TENM1: variants seen among roughly 807,000 people sequenced by gnomAD.
The protein encoded by TENM1 is teneurin transmembrane protein 1, also known as teneurin-1.
A neutral mutation model predicts 174.8 loss-of-function variants in TENM1; 35 were observed. That is an observed-to-expected ratio of 0.20 (90% confidence interval 0.15 to 0.27). TENM1 has a LOEUF of 0.27. TENM1 is among the 10% of genes least tolerant of loss of function. The pLI is 1.00. For synonymous variants in TENM1, 781 were observed against 798.7 expected, an observed-to-expected ratio of 0.98 and a Z score of 0.37; for missense variants, 1,633 against 2,130.1, an observed-to-expected ratio of 0.77 and a Z score of 4.59.
chrX:125,200,151 T>TA, the TENM1 span, among the ~76,000 whole-genome samples: 114 of 111,261 alleles, frequency 1.0e-3, no homozygotes, highest in African/African-American at 3.1e-3. Flanking sequence ...TCCTCTGTTC[T>TA]AAAAAAAATC....
chrX:124,469,434 C>T (rs1380962102), intron 22 of TENM1, among the ~76,000 whole-genome samples: 1 of 110,925 alleles, frequency 9.0e-6, no homozygotes, highest in Non-Finnish European at 1.9e-5. Flanking sequence ...AACAGTGGCT[C>T]AAAGATGGAT....
chrX:124,962,542 G>A (rs755839736), intron 1 of TENM1, among the ~76,000 whole-genome samples: 64 of 112,024 alleles, frequency 5.7e-4, no homozygotes, highest in Middle Eastern at 4.6e-3. Context: ...TGTGCCATCC[G>A]GGCGCGGTGG....
chrX:125,065,907 C>A, the TENM1 span, among the ~76,000 whole-genome samples: 80 of 111,772 alleles, frequency 7.2e-4, no homozygotes, highest in Non-Finnish European at 1.3e-3. Context: ...AGATAATATT[C>A]TTGATCTGAT....
the TENM1 span, among the ~76,000 whole-genome samples, chrX:125,129,271 C>T: frequency 9.0e-6 from 1 of 111,708 alleles, no homozygotes; most frequent in Non-Finnish European, 1.9e-5. Context: ...GCTAAGACAG[C>T]GCTCATATCC....
chrX:125,098,474 C>T, the TENM1 span, among the ~76,000 whole-genome samples: 1 of 111,541 alleles, frequency 9.0e-6, no homozygotes, highest in Non-Finnish European at 1.9e-5. Flanking sequence ...TTGTAGTTGG[C>T]ATTTATATTG....
At chrX:124,833,205 T>C (rs769724724) in intron 3 of TENM1, among the ~76,000 whole-genome samples, 55 of 112,137 alleles carry the variant, frequency 4.9e-4, no homozygotes, top group Non-Finnish European at 8.8e-4. Context: ...ACTAACATTC[T>C]TTAATGATGG....
intron 4 of TENM1, among the ~76,000 whole-genome samples, chrX:124,718,284 T>C (rs1048478213): frequency 8.9e-6 from 1 of 112,240 alleles, no homozygotes; most frequent in Non-Finnish European, 1.9e-5. Context: ...CAGATAGATA[T>C]GGCTGTCTTT....
At chrX:125,187,919 TTA>T in the TENM1 span, among the ~76,000 whole-genome samples, 1 of 111,486 alleles carries the variant, frequency 9.0e-6, no homozygotes, top group Non-Finnish European at 1.9e-5. Context: ...TGTATGTAAA[TTA>T]TATGATTTTC....
chrX:124,384,942 G>C, intron 29 of TENM1, 88 bp from the exon 33 acceptor site: 1 of 854,853 alleles, frequency 1.2e-6, no homozygotes, highest in African/African-American at 2.0e-5. Flanking sequence ...TTTAGTACTG[G>C]TGCTTTTATA....
At chrX:125,135,164 T>C in the TENM1 span, among the ~76,000 whole-genome samples, 14 of 97,070 alleles carry the variant, frequency 1.4e-4, no homozygotes, top group Admixed American at 1.3e-3. Context: ...GGTTGCAAAA[T>C]GTTTTTTTAT....
chrX:125,042,931 A>G, the TENM1 span, among the ~76,000 whole-genome samples: 1 of 111,587 alleles, frequency 9.0e-6, no homozygotes, highest in South Asian at 3.8e-4. Flanking sequence ...TTAGTACACT[A>G]TGCAAGTTAA....
Position 124,768,264 on chromosome X carries a change from A to G in TENM1, c.536-31067T>C, listed in dbSNP as rs189981342. ...TCTATGCTACAAAGTATTTTTAAAA[A>G]TATGGTAGGCTAAAGGATAATCCTA... On this transcript the variant is annotated intron_variant, in intron 3 of 31. Coordinates refer to ENST00000422452, the Ensembl canonical transcript of TENM1. Among the ~76,000 whole-genome samples the G allele has an allele frequency of 2.9e-4, 33 of 112,452 alleles. No individual in the cohort carries two copies. The East Asian group carries it at 3.6e-3, about 12-fold the overall frequency.
intron 4 of TENM1, among the ~76,000 whole-genome samples, chrX:124,719,809 G>T (rs959543304): frequency 2.7e-5 from 3 of 111,980 alleles, no homozygotes; most frequent in Non-Finnish European, 5.6e-5. Flanking sequence ...ATTAAACCTG[G>T]ACTTATTTTT....
chrX:124,966,640 C>G (rs7888507), upstream of TENM1, among the ~76,000 whole-genome samples: 8,766 of 102,173 alleles, frequency 0.086, 979 homozygotes, highest in African/African-American at 0.3. Flanking sequence ...CCAGCCTGGG[C>G]GACAGAGCGA....
chrX:124,991,818 A>G, the TENM1 span, among the ~76,000 whole-genome samples: 5 of 111,190 alleles, frequency 4.5e-5, no homozygotes, highest in African/African-American at 1.6e-4. Context: ...AAGTGACTCA[A>G]TTGTCTGACA....
chrX:124,646,854 A>C, intron 8 of TENM1, 44 bp from the exon 12 acceptor site: 2 of 916,778 alleles, frequency 2.2e-6, no homozygotes, highest in Non-Finnish European at 3.1e-6. Context: ...ACGCATCTCC[A>C]GGCTGTAGAG....
At chrX:124,899,412 C>T (rs901335348) in intron 1 of TENM1, among the ~76,000 whole-genome samples, 1 of 110,789 alleles carries the variant, frequency 9.0e-6, no homozygotes, top group Admixed American at 9.6e-5. Flanking sequence ...AGGTTGGTCT[C>T]GAACTCCTGG....
chrX:124,491,198 A>G (rs1007872421), intron 20 of TENM1, among the ~76,000 whole-genome samples: 2 of 112,206 alleles, frequency 1.8e-5, no homozygotes, highest in Non-Finnish European at 3.8e-5. Context: ...CAGTCCAAAG[A>G]TGCAACGGAT....
chrX:124,725,215 G>A (rs2053417836), intron 4 of TENM1, among the ~76,000 whole-genome samples: 1 of 110,756 alleles, frequency 9.0e-6, no homozygotes, highest in Admixed American at 9.6e-5. Context: ...CCTCAAAAAA[G>A]ATCAATGTTT....
Sources: gnomAD v4.1 joint callset for allele counts (sites outside exome capture counted in the v4.1 genomes callset) on GRCh38, gnomAD v4.1.1 for gene constraint, MANE v1.5 for transcripts, NCBI Gene and HGNC (gene_info 2026-07-23, HGNC 2026-07-21) for gene names.